The following CACNG3 variants were observed in gnomAD, a reference collection of about 807,000 sequenced individuals.
CACNG3 encodes calcium voltage-gated channel auxiliary subunit gamma 3.
CACNG3 carries 3 observed loss-of-function variants against 28.5 expected under a neutral mutation model. The observed-to-expected ratio is 0.11, with a 90% confidence interval of 0.05 to 0.27. CACNG3 has a LOEUF of 0.27. Among genes scored for constraint, CACNG3 ranks in the 10% least tolerant of loss-of-function variants. The probability of loss-of-function intolerance (pLI) is 1.00; values close to 1 mark genes in which losing one functional copy is unlikely to be tolerated. For synonymous variants in CACNG3, 174 were observed against 162.2 expected, an observed-to-expected ratio of 1.07 and a Z score of -0.55; for missense variants, 236 against 414.4, an observed-to-expected ratio of 0.57 and a Z score of 3.74.
intron 1 of CACNG3, among the ~76,000 whole-genome samples, chr16:24,265,171 G>A (rs543703014): frequency 1.3e-5 from 2 of 151,938 alleles, no homozygotes; most frequent in South Asian, 4.2e-4. Flanking sequence ...GAGCCCAGGA[G>A]ATTGTAGTTG....
Position 24,362,015 on chromosome 16 carries a change from T to A in CACNG3, c.*152T>A, listed in dbSNP as rs1398357016. The A allele has an allele frequency of 1.4e-6, 1 of 731,280 alleles. No individual in the cohort carries two copies. The highest frequency in any genetic ancestry group is 2.1e-6 in the Non-Finnish European group (1 of 465,526). 45.3% of individuals were successfully genotyped at this position (731,280 alleles called of 1,614,324 possible). ...CTCAGCCCTCTCCCACATTTTCCCC[T>A]CACCCTCCAAGTCCTAACCCCTCCA... On this transcript the variant is annotated 3_prime_UTR_variant, in exon 4 of 4. Coordinates refer to ENST00000005284, the MANE Select transcript of CACNG3 (RefSeq NM_006539.4).
At chr16:24,261,753 T>C (rs1898539810) in intron 1 of CACNG3, among the ~76,000 whole-genome samples, 1 of 152,192 alleles carries the variant, frequency 6.6e-6, no homozygotes, top group Non-Finnish European at 1.5e-5. Context: ...ATATTTCTGC[T>C]ACAGATGGGC....
chr16:24,285,464 A>C (rs1898880420), intron 1 of CACNG3, among the ~76,000 whole-genome samples: 1 of 152,136 alleles, frequency 6.6e-6, no homozygotes, highest in African/African-American at 2.4e-5. Flanking sequence ...TAACTGCTAA[A>C]TGTGCTTCCT....
At chr16:24,285,718 A>G (rs1898883621) in intron 1 of CACNG3, among the ~76,000 whole-genome samples, 1 of 151,952 alleles carries the variant, frequency 6.6e-6, no homozygotes, top group Non-Finnish European at 1.5e-5. Flanking sequence ...ATTGAAGATA[A>G]TATGTATATA....
rs771922151 is a variant in CACNG3 at position 24,361,342 on chromosome 16, C to T, written c.437-10C>T. ...ATAAAGGACGTGTTTTTCTTTTCCC[C>T]TTCTCTTAGGGTTAAGCAACATCAT... On this transcript the variant is annotated splice_polypyrimidine_tract_variant and intron_variant, in intron 3 of 3. Coordinates refer to ENST00000005284, the MANE Select transcript of CACNG3 (RefSeq NM_006539.4). This position sits in a 1 kb window ranked among gnomAD's most constrained non-coding sequence, Gnocchi z 6.8. The T allele has an allele frequency of 1.9e-6, 3 of 1,559,390 alleles. No homozygotes were observed. The highest frequency in any genetic ancestry group is 4.1e-5 in the Admixed American group (2 of 49,146).
intron 1 of CACNG3, among the ~76,000 whole-genome samples, chr16:24,286,509 C>T (rs1898896736): frequency 6.6e-6 from 1 of 151,990 alleles, no homozygotes; most frequent in African/African-American, 2.4e-5. Flanking sequence ...ATTGGAAGCA[C>T]AAATAGCAGC....
At chr16:24,293,776 C>A (rs1898995548) in intron 1 of CACNG3, among the ~76,000 whole-genome samples, 1 of 152,096 alleles carries the variant, frequency 6.6e-6, no homozygotes, top group African/African-American at 2.4e-5. Context: ...ACCAGAGAGG[C>A]AAATCTATCT....
chr16:24,340,515 T>C (rs1262649560), intron 1 of CACNG3, among the ~76,000 whole-genome samples: 2 of 152,208 alleles, frequency 1.3e-5, no homozygotes, highest in Non-Finnish European at 2.9e-5. Context: ...TATCACTCTG[T>C]ATCCCATAAA....
chr16:24,286,546 G>A (rs1156814042), intron 1 of CACNG3, among the ~76,000 whole-genome samples: 1 of 152,056 alleles, frequency 6.6e-6, no homozygotes, highest in Non-Finnish European at 1.5e-5. Flanking sequence ...TCCTAGTAGT[G>A]TCCTCTGTTG....
intron 1 of CACNG3, among the ~76,000 whole-genome samples, chr16:24,260,691 T>C (rs1002719341): frequency 7.2e-5 from 11 of 152,304 alleles, no homozygotes; most frequent in African/African-American, 2.6e-4. Flanking sequence ...ACTGTGCCTG[T>C]GCAGCATCAG....
chr16:24,319,336 T>C (rs9925928), intron 1 of CACNG3, among the ~76,000 whole-genome samples: 98,528 of 152,118 alleles, frequency 0.65, 32,166 homozygotes, highest in Middle Eastern at 0.72. Flanking sequence ...TAGTTATCCT[T>C]GGCTACAAGG....
chr16:24,340,560 C>G (rs893877926), intron 1 of CACNG3, among the ~76,000 whole-genome samples: 4 of 151,964 alleles, frequency 2.6e-5, no homozygotes, highest in Non-Finnish European at 4.4e-5. Flanking sequence ...TAAAAAGGAA[C>G]AGAAAAAGAA....
intron 1 of CACNG3, among the ~76,000 whole-genome samples, chr16:24,260,854 C>T (rs1898527351): frequency 6.6e-6 from 1 of 152,204 alleles, no homozygotes; most frequent in African/African-American, 2.4e-5. Flanking sequence ...GAGGCATTCA[C>T]AAAGTAGAGC....
chr16:24,331,801 G>T (rs1899634319), intron 1 of CACNG3, among the ~76,000 whole-genome samples: 1 of 152,096 alleles, frequency 6.6e-6, no homozygotes, highest in Admixed American at 6.5e-5. Context: ...ACTTCCCCAA[G>T]GCCTTGGCAC....
intron 1 of CACNG3, among the ~76,000 whole-genome samples, chr16:24,259,591 AG>A (rs1259515618): frequency 6.6e-6 from 1 of 152,222 alleles, no homozygotes; most frequent in Non-Finnish European, 1.5e-5. Context: ...AAGAGCCATG[AG>A]ACAATGTGAT....
chr16:24,289,172 G>T (rs1851088853), intron 1 of CACNG3, among the ~76,000 whole-genome samples: 1 of 152,118 alleles, frequency 6.6e-6, no homozygotes, highest in Non-Finnish European at 1.5e-5. Flanking sequence ...TCTGCAGAAA[G>T]GAAAGAGCTT....
At chr16:24,283,552 T>A (rs962123813) in intron 1 of CACNG3, among the ~76,000 whole-genome samples, 2 of 152,248 alleles carry the variant, frequency 1.3e-5, no homozygotes, top group East Asian at 1.9e-4. Flanking sequence ...TATAATTATT[T>A]ATAAGCTGCT....
chr16:24,312,970 G>A (rs867119792), intron 1 of CACNG3, among the ~76,000 whole-genome samples: 22 of 130,562 alleles, frequency 1.7e-4, no homozygotes, highest in South Asian at 5.2e-4. Flanking sequence ...AGAAAGAAAA[G>A]AAAGAAAGAA....
chr16:24,258,748 G>A (rs1487566732), intron 1 of CACNG3, among the ~76,000 whole-genome samples: 3 of 152,174 alleles, frequency 2.0e-5, no homozygotes, highest in African/African-American at 7.2e-5. Context: ...AGATGGCATA[G>A]AAGTTCTAAG....
Sources: gnomAD v4.1 joint callset for allele counts (sites outside exome capture counted in the v4.1 genomes callset) on GRCh38, gnomAD v4.1.1 for gene constraint, Gnocchi (gnomAD v3.1) non-coding constraint, MANE v1.5 for transcripts, NCBI Gene and HGNC (gene_info 2026-07-23, HGNC 2026-07-21) for gene names.